Variants in YIPF5 observed in about 807,000 individuals in gnomAD.
YIPF5 encodes protein YIPF5.
YIPF5 carries 8 observed loss-of-function variants against 30.4 expected under a neutral mutation model. That is an observed-to-expected ratio of 0.26 (90% confidence interval 0.15 to 0.47). The LOEUF (loss-of-function observed/expected upper bound fraction) is 0.47, where lower values mean the gene tolerates loss of function less well. YIPF5 is among the 20% of genes least tolerant of loss of function. The pLI, the probability that YIPF5 is intolerant of heterozygous loss-of-function variation, is 0.99. For missense variants in YIPF5, 282 were observed against 301.8 expected (o/e 0.93, Z 0.49); for synonymous variants, 104 against 107.9 (o/e 0.96, Z 0.23).
In YIPF5 at chr5:144,159,362, A is replaced by C. The variant is rs1020751299; in HGVS notation, c.*1035T>G. ...TTGTAAAACTTTAAATATTTTCCTTAAAAAAGGTTAGTGATTTTTTTATTA... is the reference window on the plus strand; with the variant it reads ...TTGTAAAACTTTAAATATTTTCCTTCAAAAAGGTTAGTGATTTTTTTATTA... On this transcript the variant is annotated 3_prime_UTR_variant, in exon 6 of 6. Coordinates refer to ENST00000274496, the MANE Select transcript of YIPF5 (RefSeq NM_030799.9). The C allele has an allele frequency of 1.0e-6, 1 of 983,994 alleles. No homozygotes were observed. Among genetic ancestry groups the C allele is most frequent in the African/African-American group, 1.7e-5 (1 of 57,212 alleles). The allele number at this position is 983,994 out of a possible 1,614,324, so 61.0% of individuals were successfully genotyped here.
Position 144,159,844 on chromosome 5 carries a change from C to A in YIPF5, c.*553G>T, listed in dbSNP as rs1390011336. 3.7e-6 allele frequency: 2 copies of A among 544,050 alleles called. No individual in the cohort carries two copies. The highest frequency in any genetic ancestry group is 4.2e-5 in the African/African-American group (2 of 47,568). The allele number at this position is 544,050 out of a possible 1,614,324, so 33.7% of individuals were successfully genotyped here. ...GCCTCAGCCTCCTGAGTAGCTGGGA[C>A]TACAGGCGCCCGCCACCACGCCCAG... On this transcript the variant is annotated 3_prime_UTR_variant, in exon 6 of 6. Coordinates refer to ENST00000274496, the MANE Select transcript of YIPF5 (RefSeq NM_030799.9).
chr5:144,161,525 T>C (rs1580754362), intron 5 of YIPF5, among the ~76,000 whole-genome samples: 2 of 151,966 alleles, frequency 1.3e-5, no homozygotes, highest in Admixed American at 1.3e-4. Flanking sequence ...TTTGTATTTT[T>C]AGTAGAGACG....
chr5:144,162,476 T>A, intron 4 of YIPF5, 77 bp from the exon 5 acceptor site: 1 of 1,297,526 alleles, frequency 7.7e-7, no homozygotes, highest in Non-Finnish European at 1.1e-6. Context: ...AATCAGTACA[T>A]GTAGCAAATA....
intron 5 of YIPF5, among the ~76,000 whole-genome samples, chr5:144,162,001 A>G (rs1752061717): frequency 6.6e-6 from 1 of 152,200 alleles, no homozygotes; most frequent in Non-Finnish European, 1.5e-5. Context: ...AACTAGTGAA[A>G]TTCTTGATCA....
At chr5:144,161,220 G>C (rs1315925126) in intron 5 of YIPF5, among the ~76,000 whole-genome samples, 1 of 151,326 alleles carries the variant, frequency 6.6e-6, no homozygotes, top group Non-Finnish European at 1.5e-5. Context: ...GTGTAACAAA[G>C]CCTGACCACT....
chr5:144,161,025 T>C (rs1281876076), intron 5 of YIPF5, among the ~76,000 whole-genome samples: 6 of 152,214 alleles, frequency 3.9e-5, no homozygotes. Context: ...AAATAACTTC[T>C]GTAAAATTCA....
At chr5:144,164,688 A>C (rs571161763) in intron 3 of YIPF5, among the ~76,000 whole-genome samples, 1 of 151,840 alleles carries the variant, frequency 6.6e-6, no homozygotes, top group Non-Finnish European at 1.5e-5. Flanking sequence ...GCGTTGAGAC[A>C]TCGTGCCTGG....
rs1751996231 is a variant in YIPF5 at position 144,160,254 on chromosome 5, G to C, written c.*143C>G. 6.8e-7 allele frequency: 1 copy of C among 1,478,628 alleles called. No individual in the cohort carries two copies. The highest frequency in any genetic ancestry group is 1.5e-5 in the South Asian group (1 of 66,084). The allele number at this position is 1,478,628 out of a possible 1,614,324, so 91.6% of individuals were successfully genotyped here. A position where few individuals can be genotyped will look rare whatever the true frequency, so the allele number is the denominator to read the frequency against. ...AAAAGTTCTATAAAAATGAACAAGA[G>C]ATACACGTTTACTTTCATTGCTCCA... is the stretch of plus-strand genomic sequence containing the variant. On this transcript the variant is annotated 3_prime_UTR_variant, in exon 6 of 6. Coordinates refer to ENST00000274496, the MANE Select transcript of YIPF5 (RefSeq NM_030799.9).
chr5:144,166,070 T>C (rs1226991778), intron 2 of YIPF5, among the ~76,000 whole-genome samples: 1 of 152,208 alleles, frequency 6.6e-6, no homozygotes, highest in Non-Finnish European at 1.5e-5. Context: ...ATTATCATTC[T>C]TCTTTACTCT....
At chr5:144,165,291 T>C in intron 3 of YIPF5, 141 bp downstream of exon 3, 2 of 1,140,822 alleles carry the variant, frequency 1.8e-6, no homozygotes, top group Non-Finnish European at 2.4e-6. Context: ...TATACTCTGT[T>C]TAAAATGAGT....
intron 2 of YIPF5, among the ~76,000 whole-genome samples, chr5:144,166,583 C>T (rs1752207892): frequency 6.6e-6 from 1 of 152,124 alleles, no homozygotes. Context: ...GGGTGAGGCT[C>T]TCTATTCGTT....
At chr5:144,170,155 T>G in intron 1 of YIPF5, 190 bp from the exon 2 acceptor site, 1 of 574,862 alleles carries the variant, frequency 1.7e-6, no homozygotes, top group African/African-American at 1.9e-5. Context: ...GTATATTCTT[T>G]TAAGTTGCGG....
chr5:144,162,368 C>T lies in YIPF5; in HGVS notation c.461G>A (p.Gly154Glu), dbSNP rs1354557567. 1.2e-6 allele frequency: 2 copies of T among 1,612,900 alleles called. No individual in the cohort carries two copies. The highest frequency in any genetic ancestry group is 1.7e-6 in the Non-Finnish European group (2 of 1,179,532). The change falls in exon 5 of 6, where the codon GGG becomes GAG. Residue 154 changes from glycine (G) to glutamate (E), a missense_variant. Gly to Glu is a moderately conservative substitution (Grantham distance 98). Transcript: ENST00000274496. ...AGKIQFGYVY[G>E]ISAIGCLGMF... Reference sequence around the variant, plus strand: ...TCCTAGACATCCAATTGCACTGATCCCGTATACATAGCCAAACTGGATTTT... The same window carrying T: ...TCCTAGACATCCAATTGCACTGATCTCGTATACATAGCCAAACTGGATTTT...
intron 2 of YIPF5, among the ~76,000 whole-genome samples, chr5:144,167,543 G>A (rs1451106095): frequency 6.6e-6 from 1 of 152,088 alleles, no homozygotes; most frequent in African/African-American, 2.4e-5. Flanking sequence ...ATGTGACTTG[G>A]TATTATGATA....
At chr5:144,164,331 CAA>C (rs1752138070) in intron 3 of YIPF5, 75 bp from the exon 4 acceptor site, 2 of 1,347,668 alleles carry the variant, frequency 1.5e-6, no homozygotes, top group Non-Finnish European at 2.0e-6. Context: ...TATCCTGAAA[CAA>C]GAGACAAAAT....
At chr5:144,162,911 C>A (rs1249164508) in intron 4 of YIPF5, among the ~76,000 whole-genome samples, 4 of 151,960 alleles carry the variant, frequency 2.6e-5, no homozygotes, top group Admixed American at 2.6e-4. Context: ...GGAAAGGAAG[C>A]CAGGATAAAC....
In YIPF5 at chr5:144,158,941, C is replaced by T. The variant is rs532935372; in HGVS notation, c.*1456G>A. On this transcript the variant is annotated 3_prime_UTR_variant, in exon 6 of 6. Transcript: ENST00000274496. ...AAAAAAAAAAAAAGGCAGTATTTTC[C>T]TCCCTGTACCATATCTTTCTCGTAA... is the stretch of plus-strand genomic sequence containing the variant. The T allele has an allele frequency of 2.0e-6, 2 of 984,116 alleles. No homozygotes were observed. The highest frequency in any genetic ancestry group is 3.5e-5 in the African/African-American group (2 of 56,796). 61.0% of individuals were successfully genotyped at this position (984,116 alleles called of 1,614,324 possible).
At chr5:144,167,371 T>C (rs1752231119) in intron 2 of YIPF5, among the ~76,000 whole-genome samples, 1 of 152,154 alleles carries the variant, frequency 6.6e-6, no homozygotes, top group Admixed American at 6.5e-5. Flanking sequence ...CAGCAGATAC[T>C]AAATCAATAC....
rs1332704084 is a variant in YIPF5 at position 144,165,519 on chromosome 5, T to G, written c.196A>C (p.Ile66Leu). The G allele has an allele frequency of 6.2e-7, 1 of 1,614,142 alleles. No homozygotes were observed. The highest frequency in any genetic ancestry group is 1.1e-5 in the South Asian group (1 of 91,084). Residue 66 changes from isoleucine (I) to leucine (L), a missense_variant, in exon 3 of 6, where the codon ATT (isoleucine) becomes CTT (leucine). Ile to Leu is a conservative substitution (Grantham distance 5, BLOSUM62 2). Coordinates refer to ENST00000274496, the MANE Select transcript of YIPF5 (RefSeq NM_030799.9). The part of the protein sequence containing the change: ...MQPQQPYTGQ[I>L]YQPTQAYTPA... ...GTATATGCCTGAGTTGGCTGGTAAA[T>G]CTGCCCGGTGTATGGCTGTTGTGGC...
Sources: allele counts gnomAD v4.1 joint callset (sites outside exome capture counted in the v4.1 genomes callset), GRCh38; gene constraint gnomAD v4.1.1; transcripts MANE v1.5; gene names NCBI Gene and HGNC (gene_info 2026-07-23, HGNC 2026-07-21).